The following NCOA1 variants were observed in gnomAD, a reference collection of about 807,000 sequenced individuals.
The protein encoded by NCOA1 is Hin-2 protein.
NCOA1 carries 35 observed loss-of-function variants against 150.9 expected under a neutral mutation model. That is an observed-to-expected ratio of 0.23 (90% CI 0.18 to 0.31). The LOEUF is 0.31. Ranked by LOEUF, NCOA1 falls within the 10% of genes least tolerant of loss-of-function variation. NCOA1 has a pLI of 1.00. For missense variants in NCOA1, 1,491 were observed against 1,749.3 expected, an observed-to-expected ratio of 0.85 and a Z score of 2.63; for synonymous variants, 590 against 630.0, an observed-to-expected ratio of 0.94 and a Z score of 0.95.
chr2:24,575,164 CT>C (rs1666903926), intron 2 of NCOA1, among the ~76,000 whole-genome samples: 1 of 151,888 alleles, frequency 6.6e-6, no homozygotes, highest in African/African-American at 2.4e-5. Flanking sequence ...GTGGTATTCG[CT>C]TTCATTATTT....
intron 1 of NCOA1, among the ~76,000 whole-genome samples, chr2:24,552,466 A>C (rs1176755016): frequency 6.9e-6 from 1 of 145,940 alleles, no homozygotes; most frequent in African/African-American, 2.6e-5. Context: ...TCCTAGGTTC[A>C]AGCAATTCTC....
rs542687246 is a variant in NCOA1, at chr2:24,533,440, C to G, written c.-395-30855C>G. ...TTTCCTAATTGAATACTCTTTATTT[C>G]TTTCTCTTGTCTGATTGCCCTGGCC... On this transcript the variant is annotated intron_variant, in intron 1 of 22. Transcript: ENST00000348332. Among the ~76,000 whole-genome samples, 66 of 152,226 alleles carry G rather than the reference C, an allele frequency of 4.3e-4. 1 individual carries two copies. The South Asian group carries it at 0.013, about 30-fold the overall frequency.
intron 20 of NCOA1, among the ~76,000 whole-genome samples, chr2:24,754,173 G>A (rs191982493): frequency 1.1e-4 from 17 of 152,208 alleles, no homozygotes; most frequent in Non-Finnish European, 2.2e-4. Context: ...GGCCATTCCA[G>A]TAGCTTCCTC....
chr2:24,735,170 C>T lies in NCOA1; in HGVS notation c.3202-4262C>T, dbSNP rs576587899. On this transcript the variant is annotated intron_variant, in intron 17 of 22. Coordinates refer to ENST00000348332, the MANE Select transcript of NCOA1 (RefSeq NM_003743.5). ...AAGTAAATGTTTACATTAAAATTTACGACCTAGAAGACAAAAGACACCATA... is the reference window on the plus strand; with the variant it reads ...AAGTAAATGTTTACATTAAAATTTATGACCTAGAAGACAAAAGACACCATA... 2.6e-5 allele frequency among the ~76,000 whole-genome samples: 4 copies of T among 152,224 alleles called. No homozygotes were observed. The South Asian group carries it at 6.2e-4, about 24-fold the overall frequency.
At chr2:24,536,678 G>A (rs146051396) in intron 1 of NCOA1, among the ~76,000 whole-genome samples, 6,178 of 152,192 alleles carry the variant, frequency 0.041, 145 homozygotes, top group East Asian at 0.11. Context: ...ATTCCTTTCT[G>A]TTTGTTAGTT....
chr2:24,692,018 T>G (rs1672688881), intron 9 of NCOA1, among the ~76,000 whole-genome samples: 1 of 152,240 alleles, frequency 6.6e-6, no homozygotes, highest in African/African-American at 2.4e-5. Context: ...TTAGAAAGTT[T>G]CAAGTTTAGA....
chr2:24,523,490 C>T (rs2148141409), intron 1 of NCOA1, among the ~76,000 whole-genome samples: 1 of 150,330 alleles, frequency 6.7e-6, no homozygotes, highest in South Asian at 2.1e-4. Context: ...CCTGTAGTTC[C>T]AGCTACTCGG....
intron 4 of NCOA1, among the ~76,000 whole-genome samples, chr2:24,650,173 C>T (rs1170020847): frequency 6.6e-6 from 1 of 152,008 alleles, no homozygotes; most frequent in Non-Finnish European, 1.5e-5. Flanking sequence ...CTTCTCTGGG[C>T]CAAGGATAAC....
At chr2:24,756,197 T>C (rs541175916) in intron 20 of NCOA1, among the ~76,000 whole-genome samples, 20 of 151,998 alleles carry the variant, frequency 1.3e-4, no homozygotes, top group African/African-American at 4.8e-4. Flanking sequence ...GAGGTTACGG[T>C]GAGCTGAGTT....
chr2:24,515,650 C>T (rs1664132204), intron 1 of NCOA1, among the ~76,000 whole-genome samples: 1 of 152,024 alleles, frequency 6.6e-6, no homozygotes, highest in Non-Finnish European at 1.5e-5. Context: ...TGCTTATTTG[C>T]ATTATTGAAT....
At chr2:24,644,749 C>T (rs541965257) in intron 4 of NCOA1, among the ~76,000 whole-genome samples, 1 of 151,874 alleles carries the variant, frequency 6.6e-6, no homozygotes, top group African/African-American at 2.4e-5. Context: ...GGGAAAACTT[C>T]CAGGAGAAAA....
chr2:24,646,730 G>A (rs1370668442), intron 4 of NCOA1, among the ~76,000 whole-genome samples: 3 of 147,614 alleles, frequency 2.0e-5, no homozygotes, highest in African/African-American at 5.0e-5. Context: ...TAATGAAAAG[G>A]TTATCTTAAA....
intron 11 of NCOA1, among the ~76,000 whole-genome samples, chr2:24,701,616 CTG>C (rs1454983033): frequency 6.6e-6 from 1 of 151,822 alleles, no homozygotes; most frequent in African/African-American, 2.4e-5. Flanking sequence ...AAAATTTTAA[CTG>C]TTTATCTCTG....
At chr2:24,641,829 A>G (rs910750623) in intron 3 of NCOA1, among the ~76,000 whole-genome samples, 1 of 151,816 alleles carries the variant, frequency 6.6e-6, no homozygotes, top group Admixed American at 6.6e-5. Context: ...ACTTTGCCAG[A>G]GTTGGTTTCT....
chr2:24,509,965 C>T (rs892437006), intron 1 of NCOA1, among the ~76,000 whole-genome samples: 2 of 152,178 alleles, frequency 1.3e-5, no homozygotes, highest in Non-Finnish European at 2.9e-5. Context: ...GTACTTACCA[C>T]TAATATTTGC....
At chr2:24,501,440 CAAT>C (rs1210893495) in intron 1 of NCOA1, among the ~76,000 whole-genome samples, 19 of 152,002 alleles carry the variant, frequency 1.2e-4, no homozygotes, top group Non-Finnish European at 2.5e-4. Flanking sequence ...AATATAATAA[CAAT>C]ATTAGGAAAA....
At chr2:24,677,200 C>T (rs1671949483) in intron 7 of NCOA1, among the ~76,000 whole-genome samples, 1 of 152,044 alleles carries the variant, frequency 6.6e-6, no homozygotes, top group African/African-American at 2.4e-5. Context: ...AAAAATCAGC[C>T]TGGCATGGTG....
intron 4 of NCOA1, among the ~76,000 whole-genome samples, chr2:24,645,407 G>A (rs1296732054): frequency 6.6e-6 from 1 of 151,432 alleles, no homozygotes; most frequent in African/African-American, 2.4e-5. Context: ...GGAGGCTGAG[G>A]CAGGAGAATG....
intron 8 of NCOA1, among the ~76,000 whole-genome samples, chr2:24,688,921 G>A (rs1195942232): frequency 6.6e-6 from 1 of 152,122 alleles, no homozygotes; most frequent in Non-Finnish European, 1.5e-5. Flanking sequence ...GTTGATTTTT[G>A]TATATGGTGT....
Sources: gnomAD v4.1 joint callset for allele counts (sites outside exome capture counted in the v4.1 genomes callset) on GRCh38, gnomAD v4.1.1 for gene constraint, MANE v1.5 for transcripts, NCBI Gene and HGNC (gene_info 2026-07-23, HGNC 2026-07-21) for gene names.